The following GRK4 variants were observed in gnomAD, a reference collection of about 807,000 sequenced individuals.
GRK4 encodes G protein-coupled receptor kinase 2-like.
Under a neutral mutation model 77.9 loss-of-function variants are expected in GRK4, and 73 were observed. The ratio of observed to expected loss-of-function variants is 0.94; its 90% confidence interval spans 0.78 to 1.14. GRK4 has a LOEUF of 1.14. Among genes scored for constraint, GRK4 ranks in the 50% most tolerant of loss-of-function variants. The probability of loss-of-function intolerance (pLI) is 0.00; values close to 1 mark genes in which losing one functional copy is unlikely to be tolerated. For missense variants in GRK4, 729 were observed against 700.2 expected (o/e 1.04, Z -0.46); for synonymous variants, 257 against 254.4 (o/e 1.01, Z -0.10).
At chr4:2,988,091 A>AAAAAAAAAAAAAAAAAAAAAAAAT (rs1724957086) in intron 2 of GRK4, among the ~76,000 whole-genome samples, 1 of 148,900 alleles carries the variant, frequency 6.7e-6, no homozygotes, top group Non-Finnish European at 1.5e-5. Context: ...AAAAAAAAAA[A>AAAAAAAAAAAAAAAAAAAAAAAAT]AAAAAAAAGA....
rs942157491 is a variant in GRK4, at chr4:3,009,810, A to G, written c.600+99A>G. 5 of 760,828 alleles carry G rather than the reference A, an allele frequency of 6.6e-6. No individual in the cohort carries two copies. In the Admixed American group the frequency reaches 6.6e-5, roughly 10 times the overall value. 47.1% of individuals were successfully genotyped at this position (760,828 alleles called of 1,614,324 possible). A position where few individuals can be genotyped will look rare whatever the true frequency, so the allele number is the denominator to read the frequency against. ...GGTAATGCATCAGCTCTCCCAGTACACTGTTGCCTTAGTGGGTGTTTTGGG... is the reference window on the plus strand; with the variant it reads ...GGTAATGCATCAGCTCTCCCAGTACGCTGTTGCCTTAGTGGGTGTTTTGGG... On this transcript the variant is annotated intron_variant, in intron 7 of 15. Transcript: ENST00000398052.
intron 7 of GRK4, among the ~76,000 whole-genome samples, chr4:3,011,023 T>G (rs1732769869): frequency 6.6e-6 from 1 of 152,220 alleles, no homozygotes; most frequent in African/African-American, 2.4e-5. Context: ...CCATGATAGA[T>G]ATTTCTGTAA....
At chr4:3,016,290 G>A (rs1734471102) in intron 8 of GRK4, among the ~76,000 whole-genome samples, 1 of 150,950 alleles carries the variant, frequency 6.6e-6, no homozygotes, top group African/African-American at 2.4e-5. Flanking sequence ...GCCAAGGCCT[G>A]CAGATCACCT....
intron 4 of GRK4, among the ~76,000 whole-genome samples, chr4:2,996,143 G>A (rs987591263): frequency 6.6e-6 from 1 of 152,080 alleles, no homozygotes; most frequent in African/African-American, 2.4e-5. Flanking sequence ...CTTGGTGGAA[G>A]TGGAAAGAGA....
chr4:3,022,316 GC>G, intron 9 of GRK4, 97 bp from the exon 10 acceptor site: 1 of 1,174,086 alleles, frequency 8.5e-7, no homozygotes, highest in East Asian at 2.4e-5. Context: ...GTGTTTTGCC[GC>G]GCTAGCCCTT....
At chr4:3,016,729 C>CA (rs1223996794) in intron 8 of GRK4, among the ~76,000 whole-genome samples, 5 of 149,488 alleles carry the variant, frequency 3.3e-5, no homozygotes, top group South Asian at 4.2e-4. Context: ...AAAAAAAATA[C>CA]AAAAAAACAA....
intron 1 of GRK4, among the ~76,000 whole-genome samples, chr4:2,972,844 C>T (rs1719994170): frequency 6.6e-6 from 1 of 152,180 alleles, no homozygotes; most frequent in Non-Finnish European, 1.5e-5. Flanking sequence ...AAGCAGCTCT[C>T]CTGCCTCAGC....
In GRK4 at chr4:3,040,648, G is replaced by T; in HGVS notation, c.*23G>T. On this transcript the variant is annotated 3_prime_UTR_variant, in exon 16 of 16. Coordinates refer to ENST00000398052, the MANE Select transcript of GRK4 (RefSeq NM_182982.3). ...TGAGCACCCCGGTGCGGACCACAGA[G>T]CAGACCCTGGCGCCAGGAAGGAGCA... 6.2e-7 allele frequency: 1 copy of T among 1,601,876 alleles called. No individual in the cohort carries two copies.
chr4:3,028,917 G>A (rs1256970667), intron 11 of GRK4, among the ~76,000 whole-genome samples: 10 of 152,068 alleles, frequency 6.6e-5, no homozygotes, highest in Non-Finnish European at 1.2e-4. Flanking sequence ...AACTACAGGC[G>A]CCTGCCGCCA....
intron 1 of GRK4, among the ~76,000 whole-genome samples, chr4:2,972,727 T>C (rs189710203): frequency 1.3e-5 from 2 of 152,010 alleles, no homozygotes; most frequent in East Asian, 3.9e-4. Flanking sequence ...GTGTGTGTTA[T>C]TTACTCTTTA....
chr4:3,026,733 G>A lies in GRK4; in HGVS notation c.971-1179G>A, dbSNP rs75438149. Among the ~76,000 whole-genome samples, 1,487 of 152,366 alleles carry A rather than the reference G, an allele frequency of 9.8e-3. 18 individuals carry two copies. The highest frequency in any genetic ancestry group is 0.031 in the African/African-American group (1,298 of 41,582). ...TGCTCTCCCGCCTCCCAGGGTGGGC[G>A]CGCAGCAAGGGCGGGGTGTGGTGTA... On this transcript the variant is annotated intron_variant, in intron 10 of 15. Transcript: ENST00000398052.
Position 3,013,749 on chromosome 4 carries a change from A to G in GRK4, c.662A>G (p.Lys221Arg), listed in dbSNP as rs757898806. 8 of 1,613,828 alleles carry G rather than the reference A, an allele frequency of 5.0e-6. No individual in the cohort carries two copies. The highest frequency in any genetic ancestry group is 5.9e-6 in the Non-Finnish European group (7 of 1,179,912). ...TATGCCTGCAAAAAGCTACAAAAAA[A>G]AAGAATAAAGAAGAGGAAAGGTGAA... ...KMYACKKLQKKRIKKRKGEAM... is the reference protein window; with the variant it reads ...KMYACKKLQKRRIKKRKGEAM... Residue 221 changes from lysine to arginine, a missense_variant, in exon 8 of 16, where the codon AAA becomes AGA. By Grantham distance (26) the Lys-to-Arg change is conservative (BLOSUM62 2). Transcript: ENST00000398052.
Position 2,965,445 on chromosome 4 carries a change from A to C in GRK4, c.52+1323A>C, listed in dbSNP as rs181533057. 91 of 702,990 alleles carry C rather than the reference A, an allele frequency of 1.3e-4. No individual in the cohort carries two copies. The African/African-American group carries it at 1.5e-3, about 12-fold the overall frequency. The allele number at this position is 702,990 out of a possible 1,614,324, so 43.5% of individuals were successfully genotyped here. A position where few individuals can be genotyped will look rare whatever the true frequency, so the allele number is the denominator to read the frequency against. On this transcript the variant is annotated intron_variant, in intron 1 of 15. Transcript: ENST00000398052. Reference sequence around the variant, plus strand: ...CCCCGTCACTCTTACGGAATTGCTGATTTCCTCTATTTCCTTGCGTGATGG... The same window carrying C: ...CCCCGTCACTCTTACGGAATTGCTGCTTTCCTCTATTTCCTTGCGTGATGG...
At chr4:2,964,719 C>T (rs1716952240) in intron 1 of GRK4, among the ~76,000 whole-genome samples, 1 of 151,996 alleles carries the variant, frequency 6.6e-6, no homozygotes, top group African/African-American at 2.4e-5. Flanking sequence ...TAAAGTGAGG[C>T]AGAAATTTAA....
chr4:3,033,643 G>C (rs1307622554), intron 12 of GRK4, among the ~76,000 whole-genome samples: 2 of 152,192 alleles, frequency 1.3e-5, no homozygotes, highest in Non-Finnish European at 2.9e-5. Flanking sequence ...TTGGAGTACA[G>C]TGGTGCGACC....
intron 1 of GRK4, among the ~76,000 whole-genome samples, chr4:2,982,264 C>T (rs1343795463): frequency 6.6e-6 from 1 of 152,250 alleles, no homozygotes; most frequent in African/African-American, 2.4e-5. Context: ...GCTGCCAGCA[C>T]CACCTCATCC....
chr4:3,019,203 C>T (rs1735398005), intron 8 of GRK4, among the ~76,000 whole-genome samples: 1 of 152,196 alleles, frequency 6.6e-6, no homozygotes, highest in Non-Finnish European at 1.5e-5. Flanking sequence ...ACTACTCCAC[C>T]AGCATTATTC....
intron 6 of GRK4, among the ~76,000 whole-genome samples, chr4:3,008,857 T>TG (rs1732070828): frequency 6.6e-6 from 1 of 152,084 alleles, no homozygotes; most frequent in African/African-American, 2.4e-5. Flanking sequence ...GTACTATTAT[T>TG]ATTGATTGAT....
chr4:3,030,286 A>C (rs997930765), intron 12 of GRK4, among the ~76,000 whole-genome samples: 7 of 152,226 alleles, frequency 4.6e-5, no homozygotes, highest in Non-Finnish European at 8.8e-5. Flanking sequence ...CCCTGGTCCC[A>C]GAATGAGCCA....
Sources: allele counts gnomAD v4.1 joint callset (sites outside exome capture counted in the v4.1 genomes callset), GRCh38; gene constraint gnomAD v4.1.1; transcripts MANE v1.5; gene names NCBI Gene and HGNC (gene_info 2026-07-23, HGNC 2026-07-21).